XRN2: variants seen among roughly 807,000 people sequenced by gnomAD.
The protein encoded by XRN2 is DHM1-like protein.
In XRN2, 44 loss-of-function variants were observed where a neutral mutation model predicts 138.5. The observed-to-expected ratio is 0.32, with a 90% CI of 0.25 to 0.41. The LOEUF is 0.41. XRN2 is among the 10% of genes least tolerant of loss of function. The probability of loss-of-function intolerance (pLI) is 1.00; values close to 1 mark genes in which losing one functional copy is unlikely to be tolerated. For synonymous variants in XRN2, 354 were observed against 369.4 expected (o/e 0.96, Z 0.48); for missense variants, 937 against 1,169.3 (o/e 0.80, Z 2.90).
chr20:21,317,301 A>AT (rs57699925), intron 1 of XRN2, among the ~76,000 whole-genome samples: 54 of 150,696 alleles, frequency 3.6e-4, no homozygotes, highest in African/African-American at 1.2e-3. Flanking sequence ...CTAGATGAGT[A>AT]TTTTTTTTTT....
At chr20:21,376,670 G>T (rs1483894346) in intron 27 of XRN2, among the ~76,000 whole-genome samples, 1 of 152,184 alleles carries the variant, frequency 6.6e-6, no homozygotes, top group Non-Finnish European at 1.5e-5. Flanking sequence ...AGGAAGGGAA[G>T]GCTGAAAGTC....
chr20:21,346,393 A>G, intron 16 of XRN2, 22 bp from the exon 17 acceptor site: 2 of 1,613,588 alleles, frequency 1.2e-6, no homozygotes, highest in Non-Finnish European at 1.7e-6. Flanking sequence ...ATTCAGCATA[A>G]ATGAGCTGTG....
intron 20 of XRN2, among the ~76,000 whole-genome samples, chr20:21,352,505 A>AT (rs1220981516): frequency 3.3e-5 from 5 of 151,546 alleles, no homozygotes; most frequent in Non-Finnish European, 1.5e-5. Flanking sequence ...ATTTTTTTGT[A>AT]TTTTTTGTAG....
At chr20:21,317,763 G>A (rs777059052) in intron 1 of XRN2, among the ~76,000 whole-genome samples, 3 of 152,196 alleles carry the variant, frequency 2.0e-5, no homozygotes, top group Admixed American at 6.5e-5. Context: ...GAGTACCAAC[G>A]CAACTGTCCA....
chr20:21,368,171 A>AAACATAATG (rs2038723795), intron 26 of XRN2, among the ~76,000 whole-genome samples: 1 of 152,220 alleles, frequency 6.6e-6, no homozygotes, highest in Non-Finnish European at 1.5e-5. Context: ...GACAAAACTG[A>AAACATAATG]AACATAATGC....
chr20:21,358,072 A>G (rs2038596786), intron 24 of XRN2, among the ~76,000 whole-genome samples: 1 of 152,202 alleles, frequency 6.6e-6, no homozygotes, highest in South Asian at 2.1e-4. Context: ...GGTAAAGAGT[A>G]GGAGTATCTA....
chr20:21,332,469 A>AC (rs752265140), intron 9 of XRN2, 29 bp downstream of exon 9: 1,037 of 1,453,110 alleles, frequency 7.1e-4, no homozygotes, highest in Admixed American at 1.4e-3. Flanking sequence ...TAGTTGCCTC[A>AC]TTAAAAAAAA....
intron 15 of XRN2, 100 bp from the exon 16 acceptor site, chr20:21,343,990 A>G: frequency 1.2e-6 from 1 of 832,098 alleles, no homozygotes; most frequent in South Asian, 1.6e-5. Context: ...AGCTTTAAAA[A>G]TGTTACTGTG....
chr20:21,332,315 G>C lies in XRN2; in HGVS notation c.733G>C (p.Glu245Gln). 1 of 1,613,266 alleles carries C rather than the reference G, an allele frequency of 6.2e-7. No individual in the cohort carries two copies. The highest frequency in any genetic ancestry group is 8.5e-7 in the Non-Finnish European group (1 of 1,179,640). ...DLIMLGLATH[E>Q]PNFTIIREEF... ...CATTATGCTTGGCCTTGCCACACAT[G>C]AACCGAACTTTACCATTATTAGAGA... The change falls in exon 9 of 30, where the codon GAA (glutamate) becomes CAA (glutamine). Residue 245 changes from glutamate to glutamine, a missense_variant. Physicochemically the swap from Glu to Gln is conservative, Grantham distance 29. This residue lies in a region of XRN2 where 471 missense variants were observed against 581.2 expected (regional missense o/e 0.81). Coordinates refer to ENST00000377191, the MANE Select transcript of XRN2 (RefSeq NM_012255.5).
chr20:21,317,274 G>T (rs1159974292), intron 1 of XRN2, among the ~76,000 whole-genome samples: 2 of 149,048 alleles, frequency 1.3e-5, no homozygotes, highest in Non-Finnish European at 3.0e-5. Context: ...TTTATGTTGA[G>T]AATTTCCCTT....
chr20:21,332,140 A>G (rs2038220005), intron 8 of XRN2, 143 bp from the exon 9 acceptor site: 2 of 1,009,916 alleles, frequency 2.0e-6, no homozygotes, highest in African/African-American at 3.3e-5. Flanking sequence ...GGGAAATGCC[A>G]GGAAGTGTCA....
intron 6 of XRN2, among the ~76,000 whole-genome samples, 157 bp downstream of exon 6, chr20:21,330,862 A>G (rs887388485): frequency 5.3e-5 from 8 of 152,200 alleles, no homozygotes; most frequent in Non-Finnish European, 7.3e-5. Context: ...GAGATGGGGT[A>G]TCCTTGCATG....
At chr20:21,348,486 A>T (rs767923828) in intron 19 of XRN2, 56 bp downstream of exon 19, 33 of 1,505,386 alleles carry the variant, frequency 2.2e-5, no homozygotes, top group Non-Finnish European at 2.9e-5. Context: ...CATTTTATTC[A>T]TATCAGTTAC....
chr20:21,331,725 T>C (rs755935795), intron 7 of XRN2, 43 bp from the exon 8 acceptor site: 1 of 1,586,706 alleles, frequency 6.3e-7, no homozygotes, highest in Non-Finnish European at 8.6e-7. Context: ...ATTCTTGTGG[T>C]ATATAATATA....
intron 1 of XRN2, among the ~76,000 whole-genome samples, chr20:21,312,490 T>G (rs1401422428): frequency 6.6e-6 from 1 of 152,208 alleles, no homozygotes; most frequent in African/African-American, 2.4e-5. Flanking sequence ...TCATATACTT[T>G]AACTGCTTGG....
rs1279450307 is a variant in XRN2 at position 21,368,570 on chromosome 20, A to C, written c.2564A>C (p.Gln855Pro). 1.2e-6 allele frequency: 2 copies of C among 1,613,922 alleles called. No individual in the cohort carries two copies. The highest frequency in any genetic ancestry group is 3.3e-5 in the Admixed American group (2 of 59,998). Residue 855 changes from glutamine (Q) to proline (P), a missense_variant, in exon 27 of 30, where the codon CAG (glutamine) becomes CCG (proline). By Grantham distance (76) the Gln-to-Pro change is moderately conservative (BLOSUM62 -1). This residue lies in a region of XRN2 where 372 missense variants were observed against 414.4 expected (regional missense o/e 0.90). Coordinates refer to ENST00000377191, the MANE Select transcript of XRN2 (RefSeq NM_012255.5). ...LYRPLLRGQA[Q>P]IPKLMSNMRP... Reference sequence around the variant, plus strand: ...AGGCCGCTTTTGAGAGGACAAGCCCAGATTCCAAAACTTATGTCAAGTAAG... The same window carrying C: ...AGGCCGCTTTTGAGAGGACAAGCCCCGATTCCAAAACTTATGTCAAGTAAG...
At chr20:21,304,325 C>T (rs937383148) in intron 1 of XRN2, among the ~76,000 whole-genome samples, 1 of 150,210 alleles carries the variant, frequency 6.7e-6, no homozygotes, top group African/African-American at 2.4e-5. Flanking sequence ...CAGTGCTTGC[C>T]TGTCACTGTG....
chr20:21,339,181 G>C, intron 14 of XRN2, 93 bp downstream of exon 14: 1 of 1,297,622 alleles, frequency 7.7e-7, no homozygotes, highest in South Asian at 1.3e-5. Context: ...TCCTTGTCCA[G>C]TAGGACTTAG....
At chr20:21,353,648 TG>T (rs1300043461) in intron 20 of XRN2, among the ~76,000 whole-genome samples, 1 of 151,856 alleles carries the variant, frequency 6.6e-6, no homozygotes, top group Non-Finnish European at 1.5e-5. Context: ...AAAAATTAGC[TG>T]GGTGTGGTGG....
Sources: allele counts gnomAD v4.1 joint callset (sites outside exome capture counted in the v4.1 genomes callset), GRCh38; gene constraint gnomAD v4.1.1; regional missense constraint gnomAD v4.1.1; transcripts MANE v1.5; gene names NCBI Gene and HGNC (gene_info 2026-07-23, HGNC 2026-07-21).